FGF13: variants seen among roughly 807,000 people sequenced by gnomAD.
FGF13 encodes the protein fibroblast growth factor 13, also known as fibroblast growth factor homologous factor 2.
In FGF13, 2 loss-of-function variants were observed where a neutral mutation model predicts 19.5. That is an observed-to-expected ratio of 0.10 (90% CI 0.04 to 0.32). The LOEUF is 0.32. FGF13 is among the 10% of genes least tolerant of loss of function. FGF13 has a pLI of 1.00. For missense variants in FGF13, 113 were observed against 192.7 expected, an observed-to-expected ratio of 0.59 and a Z score of 2.45; for synonymous variants, 72 against 76.9, an observed-to-expected ratio of 0.94 and a Z score of 0.33.
rs958263356 is a variant in FGF13 at position 139,025,356 on chromosome X, G to A, written c.-112-160706C>T. Among the ~76,000 whole-genome samples the A allele has an allele frequency of 1.8e-4, 20 of 111,646 alleles. 1 individual carries two copies. The highest frequency in any genetic ancestry group is 1.7e-4 in the Non-Finnish European group (9 of 53,082). On this transcript the variant is annotated intron_variant, in intron 1 of 2. Transcript: ENST00000421460. The stretch of plus-strand genomic sequence containing the variant: ...TCAGTCTTTACTCCCTTGCTCAAAA[G>A]TCCTTAGATCAATCCCCATTCCTTC...
chrX:138,819,526 T>G (rs2090984494), intron 3 of FGF13, among the ~76,000 whole-genome samples: 1 of 111,694 alleles, frequency 9.0e-6, no homozygotes, highest in South Asian at 3.7e-4. Flanking sequence ...TGTATGCTCT[T>G]GTTCTTCAAG....
At chrX:139,028,626 A>T (rs1296329232) in intron 1 of FGF13, among the ~76,000 whole-genome samples, 32 of 26,988 alleles carry the variant, frequency 1.2e-3, no homozygotes, top group African/African-American at 2.5e-3. Flanking sequence ...TGAGAGAGAG[A>T]GAGAGAGAGT....
intron 1 of FGF13, among the ~76,000 whole-genome samples, chrX:138,979,981 T>C (rs991139855): frequency 3.0e-4 from 34 of 111,997 alleles, no homozygotes; most frequent in African/African-American, 1.1e-3. Flanking sequence ...AATGAGTTAA[T>C]TGAGTAATGC....
chrX:139,110,735 G>A (rs1017792140), intron 1 of FGF13, among the ~76,000 whole-genome samples: 1 of 112,158 alleles, frequency 8.9e-6, no homozygotes, highest in Non-Finnish European at 1.9e-5. Flanking sequence ...TTTACTCCTG[G>A]TAAGCAAAGT....
At chrX:138,987,614 T>G (rs2091999329) in intron 1 of FGF13, among the ~76,000 whole-genome samples, 1 of 112,371 alleles carries the variant, frequency 8.9e-6, no homozygotes. Flanking sequence ...GATAAAGTTC[T>G]GATCCAAATG....
intron 1 of FGF13, among the ~76,000 whole-genome samples, chrX:139,179,037 C>T (rs371336004): frequency 3.6e-5 from 4 of 111,981 alleles, no homozygotes; most frequent in African/African-American, 9.7e-5. Context: ...AATTGCAAGC[C>T]GGCAAGATCA....
At chrX:138,786,239 C>G (rs997696303) in intron 3 of FGF13, among the ~76,000 whole-genome samples, 2 of 111,656 alleles carry the variant, frequency 1.8e-5, no homozygotes, top group Non-Finnish European at 3.8e-5. Flanking sequence ...ATAATAAAAT[C>G]CAAACTCCTT....
At chrX:139,099,394 A>G (rs981156795) in intron 1 of FGF13, among the ~76,000 whole-genome samples, 14 of 108,567 alleles carry the variant, frequency 1.3e-4, no homozygotes, top group Non-Finnish European at 1.7e-4. Context: ...AAAAAAAAAA[A>G]AAAAGAAAGA....
chrX:138,718,268 G>A (rs2090123348), intron 1 of FGF13, among the ~76,000 whole-genome samples: 1 of 112,051 alleles, frequency 8.9e-6, no homozygotes, highest in Admixed American at 9.5e-5. Flanking sequence ...AGAATCAGAG[G>A]CAAAATATCT....
At chrX:138,858,745 G>A (rs1271493861) in intron 2 of FGF13, among the ~76,000 whole-genome samples, 4 of 103,038 alleles carry the variant, frequency 3.9e-5, no homozygotes, top group Admixed American at 1.0e-4. Flanking sequence ...GAATAATGCC[G>A]TGGTGTTTGT....
chrX:138,741,551 T>C (rs1427201010), upstream of FGF13, among the ~76,000 whole-genome samples: 1 of 111,671 alleles, frequency 9.0e-6, no homozygotes, highest in African/African-American at 3.3e-5. Flanking sequence ...CTCTCCACCC[T>C]CAGTACCCCA....
intron 1 of FGF13, among the ~76,000 whole-genome samples, chrX:138,875,995 TAC>T (rs749175408): frequency 0.04 from 3,911 of 97,394 alleles, 119 homozygotes; most frequent in African/African-American, 0.085. Flanking sequence ...TATCGGCTTG[TAC>T]ACACACACAC....
At chrX:138,854,715 T>G (rs746250814), downstream of FGF13, among the ~76,000 whole-genome samples, 7 of 112,377 alleles carry the variant, frequency 6.2e-5, no homozygotes, top group African/African-American at 1.9e-4. Flanking sequence ...TAAAAATTTT[T>G]TTTTAATTTT....
chrX:138,825,502 T>C (rs754571363), intron 3 of FGF13, among the ~76,000 whole-genome samples: 173 of 111,509 alleles, frequency 1.6e-3, no homozygotes, highest in African/African-American at 5.5e-3. Context: ...ACTCTTTCAT[T>C]CTTTACTTTT....
At chrX:138,691,224 C>T (rs1174993328) in intron 3 of FGF13, among the ~76,000 whole-genome samples, 1 of 111,488 alleles carries the variant, frequency 9.0e-6, no homozygotes, top group Non-Finnish European at 1.9e-5. Flanking sequence ...TGCAAAGAGG[C>T]TCTTTCATTA....
chrX:138,871,610 C>T (rs2091357480), intron 1 of FGF13, among the ~76,000 whole-genome samples: 1 of 112,216 alleles, frequency 8.9e-6, no homozygotes, highest in South Asian at 3.7e-4. Flanking sequence ...TCAGCCTAAT[C>T]TACATAATAT....
chrX:138,994,269 G>A (rs2092031877), intron 1 of FGF13, among the ~76,000 whole-genome samples: 2 of 111,023 alleles, frequency 1.8e-5, no homozygotes, highest in Admixed American at 1.9e-4. Flanking sequence ...AACAGAGAGA[G>A]GAAGCTCTGG....
At chrX:138,832,218 T>C (rs2091079359) in intron 3 of FGF13, among the ~76,000 whole-genome samples, 1 of 112,049 alleles carries the variant, frequency 8.9e-6, no homozygotes, top group South Asian at 3.8e-4. Context: ...CTGTTTTAGG[T>C]CTCTGAGAAA....
chrX:138,755,677 A>G (rs2090427242), intron 3 of FGF13, among the ~76,000 whole-genome samples: 1 of 112,450 alleles, frequency 8.9e-6, no homozygotes, highest in African/African-American at 3.2e-5. Context: ...AGTCATCACA[A>G]ACTTGCATTT....
Sources: gnomAD v4.1 joint callset for allele counts (sites outside exome capture counted in the v4.1 genomes callset) on GRCh38, gnomAD v4.1.1 for gene constraint, MANE v1.5 for transcripts, NCBI Gene and HGNC (gene_info 2026-07-23, HGNC 2026-07-21) for gene names.